The following NGEF variants were observed in gnomAD, a reference collection of about 807,000 sequenced individuals.
NGEF encodes ephexin-1.
A neutral mutation model predicts 80.9 loss-of-function variants in NGEF; 31 were observed. That is an observed-to-expected ratio of 0.38 (90% CI 0.29 to 0.52). The LOEUF (loss-of-function observed/expected upper bound fraction) is 0.52. Among genes scored for constraint, NGEF ranks in the 20% least tolerant of loss-of-function variants. NGEF has a pLI of 0.84. For missense variants in NGEF, 709 were observed against 926.2 expected (o/e 0.77, Z 3.04); for synonymous variants, 371 against 370.2 (o/e 1.00, Z -0.03).
At chr2:232,882,092 G>A in intron 13 of NGEF, 94 bp downstream of exon 13, 2 of 1,154,442 alleles carry the variant, frequency 1.7e-6, no homozygotes. Context: ...GCTCAGGGAG[G>A]GCTTCCCTCC....
intron 1 of NGEF, among the ~76,000 whole-genome samples, chr2:233,008,748 T>G (rs1695140400): frequency 6.6e-6 from 1 of 152,224 alleles, no homozygotes; most frequent in Non-Finnish European, 1.5e-5. Context: ...CTTTTCAGTT[T>G]TTCAATAGAT....
At chr2:232,943,730 C>T (rs1016048551) in intron 3 of NGEF, among the ~76,000 whole-genome samples, 1 of 150,054 alleles carries the variant, frequency 6.7e-6, no homozygotes, top group African/African-American at 2.5e-5. Flanking sequence ...CTCCTGACCT[C>T]GTGATCCGCC....
intron 1 of NGEF, among the ~76,000 whole-genome samples, chr2:232,978,262 G>C (rs1217005894): frequency 6.6e-6 from 1 of 151,986 alleles, no homozygotes; most frequent in Non-Finnish European, 1.5e-5. Flanking sequence ...GCTCACGTCT[G>C]TAATCCCAGC....
At chr2:232,941,178 C>T (rs571010600) in intron 3 of NGEF, among the ~76,000 whole-genome samples, 11 of 152,016 alleles carry the variant, frequency 7.2e-5, no homozygotes, top group African/African-American at 2.4e-4. Flanking sequence ...TGGGTGGGGG[C>T]CACAAGATCA....
At chr2:232,914,757 G>T (rs185992237) in intron 5 of NGEF, among the ~76,000 whole-genome samples, 1 of 151,622 alleles carries the variant, frequency 6.6e-6, no homozygotes, top group Non-Finnish European at 1.5e-5. Context: ...AGTGGCTCAC[G>T]CCTGTAATCC....
chr2:232,911,481 G>A lies in NGEF; in HGVS notation c.828+8803C>T, dbSNP rs1320290029. On this transcript the variant is annotated intron_variant, in intron 5 of 14. Coordinates refer to ENST00000264051, the MANE Select transcript of NGEF (RefSeq NM_019850.3). Reference sequence around the variant, plus strand: ...TTATTATTTTTGAAAACTGTTCAGGGCTATTCTAGTTATCTTGCCTTTTCT... The same window carrying A: ...TTATTATTTTTGAAAACTGTTCAGGACTATTCTAGTTATCTTGCCTTTTCT... 2.6e-5 allele frequency among the ~76,000 whole-genome samples: 4 copies of A among 152,110 alleles called. No individual in the cohort carries two copies. In the East Asian group the frequency reaches 7.7e-4, roughly 29 times the overall value.
At chr2:232,954,105 C>T (rs1693741831) in intron 3 of NGEF, among the ~76,000 whole-genome samples, 1 of 152,124 alleles carries the variant, frequency 6.6e-6, no homozygotes, top group African/African-American at 2.4e-5. Flanking sequence ...GTCAGGGCTG[C>T]AGTGTCAGGC....
At chr2:232,936,506 C>A (rs984480863) in intron 3 of NGEF, among the ~76,000 whole-genome samples, 1 of 152,164 alleles carries the variant, frequency 6.6e-6, no homozygotes, top group African/African-American at 2.4e-5. Context: ...CATGTAGTAT[C>A]AGTTTTGCCT....
chr2:232,963,669 C>G (rs1419350336), intron 3 of NGEF, among the ~76,000 whole-genome samples: 1 of 152,034 alleles, frequency 6.6e-6, no homozygotes, highest in Non-Finnish European at 1.5e-5. Context: ...TAAAAATTAG[C>G]TGGGCGTGGT....
intron 3 of NGEF, among the ~76,000 whole-genome samples, chr2:232,953,301 C>CAAAAAAAAAAAAAAAAA (rs57652494): frequency 1.1e-5 from 1 of 91,242 alleles, no homozygotes; most frequent in African/African-American, 4.4e-5. Context: ...GACTCTGTGT[C>CAAAAAAAAAAAAAAAAA]AAAAAAAAAA....
intron 3 of NGEF, among the ~76,000 whole-genome samples, chr2:232,952,084 C>T (rs1693689967): frequency 6.6e-6 from 1 of 152,188 alleles, no homozygotes; most frequent in South Asian, 2.1e-4. Context: ...GCCTTCAAGC[C>T]GTCTTAGCAG....
In NGEF at chr2:232,926,312, TGA is replaced by T. The variant is rs544022025; in HGVS notation, c.526+730_526+731del. Among the ~76,000 whole-genome samples the T allele has an allele frequency of 1.8e-3, 271 of 150,538 alleles. 3 individuals carry two copies. The highest frequency in any genetic ancestry group is 6.5e-4 in the Non-Finnish European group (44 of 67,654). ...TTCACGGGTGCCTCTCCTGACGACA[TGA>T]GAACTAGCTTGATGTCACTAGCGAT... On this transcript the variant is annotated intron_variant, in intron 4 of 14. Coordinates refer to ENST00000264051, the MANE Select transcript of NGEF (RefSeq NM_019850.3).
chr2:232,884,533 C>T (rs1268313672), intron 10 of NGEF, among the ~76,000 whole-genome samples: 2 of 152,196 alleles, frequency 1.3e-5, no homozygotes, highest in Admixed American at 1.3e-4. Context: ...CAGCTAGTGT[C>T]TGTCATCATT....
chr2:233,000,592 G>C (rs7589867), intron 1 of NGEF, among the ~76,000 whole-genome samples: 129,438 of 151,808 alleles, frequency 0.85, 55,277 homozygotes, highest in East Asian at 0.99. Context: ...CCCGTCTCTA[G>C]TAAAAAAAAT....
At chr2:232,897,000 G>A (rs1373907412) in intron 5 of NGEF, among the ~76,000 whole-genome samples, 7 of 131,258 alleles carry the variant, frequency 5.3e-5, no homozygotes, top group Non-Finnish European at 8.1e-5. Flanking sequence ...GTAGGGGTGC[G>A]GGTGAGGGTA....
At chr2:232,898,311 A>G (rs1692163073) in intron 5 of NGEF, among the ~76,000 whole-genome samples, 1 of 152,146 alleles carries the variant, frequency 6.6e-6, no homozygotes, top group South Asian at 2.1e-4. Flanking sequence ...CTGGGATGAC[A>G]CCCTGGCTCT....
chr2:233,000,715 G>C (rs1282844024), intron 1 of NGEF, among the ~76,000 whole-genome samples: 2 of 150,800 alleles, frequency 1.3e-5, no homozygotes, highest in Non-Finnish European at 2.9e-5. Context: ...AGCCGAGATC[G>C]CGCCACTGCA....
chr2:232,920,449 CTCT>C lies in NGEF; in HGVS notation c.660_662del (p.Glu226del), dbSNP rs533719625. ...GGCTGGCCGGCTCCTCCTCCTCCTC[CTCT>C]TCTTCTTCCTCCTCCGGGGTGTCCT... On this transcript the variant is annotated inframe_deletion, in exon 5 of 15. Coordinates refer to ENST00000264051, the MANE Select transcript of NGEF (RefSeq NM_019850.3). 2.2e-4 allele frequency: 360 copies of C among 1,612,584 alleles called. 1 individual carries two copies. The East Asian group carries it at 6.2e-3, about 28-fold the overall frequency.
At chr2:232,894,216 C>T (rs897469188) in intron 6 of NGEF, among the ~76,000 whole-genome samples, 1 of 152,238 alleles carries the variant, frequency 6.6e-6, no homozygotes, top group Non-Finnish European at 1.5e-5. Context: ...TCCGCTGCAG[C>T]TCGGCCCAGG....
Sources: gnomAD v4.1 joint callset for allele counts (sites outside exome capture counted in the v4.1 genomes callset) on GRCh38, gnomAD v4.1.1 for gene constraint, MANE v1.5 for transcripts, NCBI Gene and HGNC (gene_info 2026-07-23, HGNC 2026-07-21) for gene names.